Variants in PIGN observed in about 807,000 individuals in gnomAD.
PIGN encodes phosphatidylinositol glycan anchor biosynthesis class N.
A neutral mutation model predicts 125.4 loss-of-function variants in PIGN; 117 were observed. The ratio of observed to expected loss-of-function variants is 0.93; its 90% CI spans 0.80 to 1.09. The LOEUF (loss-of-function observed/expected upper bound fraction) is 1.09, where lower values mean the gene tolerates loss of function less well. Among genes scored for constraint, PIGN ranks in the 50% least tolerant of loss-of-function variants. The pLI, the probability that PIGN is intolerant of heterozygous loss-of-function variation, is 0.00. For synonymous variants in PIGN, 392 were observed against 377.8 expected (o/e 1.04, Z -0.44); for missense variants, 1,075 against 1,094.9 (o/e 0.98, Z 0.26).
intron 1 of PIGN, among the ~76,000 whole-genome samples, chr18:62,167,286 A>ATGTGTGTG (rs61310777): frequency 1.4e-5 from 2 of 139,398 alleles, no homozygotes; most frequent in East Asian, 2.1e-4. Context: ...AGAGATATAT[A>ATGTGTGTG]TGTGTGTGTG....
chr18:62,170,913 C>A (rs1417863042), intron 1 of PIGN, among the ~76,000 whole-genome samples: 1 of 152,152 alleles, frequency 6.6e-6, no homozygotes, highest in Non-Finnish European at 1.5e-5. Flanking sequence ...GATAGAAGAT[C>A]AAACCAGCCA....
At chr18:62,080,681 A>G (rs2033408093) in intron 28 of PIGN, among the ~76,000 whole-genome samples, 1 of 152,204 alleles carries the variant, frequency 6.6e-6, no homozygotes, top group Non-Finnish European at 1.5e-5. Context: ...ACACGAGGGT[A>G]AAAGCAACAA....
At chr18:62,157,272 A>C (rs1465607474) in intron 5 of PIGN, 45 bp from the exon 6 acceptor site, 11 of 936,018 alleles carry the variant, frequency 1.2e-5, no homozygotes, top group Non-Finnish European at 1.7e-5. Context: ...CACATGGTAC[A>C]ATAAGCCCCT....
intron 3 of PIGN, among the ~76,000 whole-genome samples, chr18:62,161,768 AGTC>A (rs1340119793): frequency 1.3e-5 from 2 of 152,230 alleles, no homozygotes; most frequent in African/African-American, 4.8e-5. Context: ...AGAAAATATA[AGTC>A]GTGCAACTCT....
rs28410364 is a variant in PIGN, at chr18:62,132,622, G to A, written c.1172+5621C>T. On this transcript the variant is annotated intron_variant, in intron 14 of 30. Transcript: ENST00000640252. ...TTTGGGAGGCCAAGGCAGGCAGACCGCTTGAGCCCAGGAGTTCAAGATAAG... is the reference window on the plus strand; with the variant it reads ...TTTGGGAGGCCAAGGCAGGCAGACCACTTGAGCCCAGGAGTTCAAGATAAG... 1.0e-2 allele frequency among the ~76,000 whole-genome samples: 1,515 copies of A among 152,032 alleles called. 20 individuals are homozygous for A. The highest frequency in any genetic ancestry group is 0.049 in the East Asian group (252 of 5,168).
chr18:62,172,929 T>C (rs1394071113), intron 1 of PIGN, among the ~76,000 whole-genome samples: 1 of 152,124 alleles, frequency 6.6e-6, no homozygotes, highest in African/African-American at 2.4e-5. Flanking sequence ...TACAGAAGTA[T>C]TATGGGAAAT....
chr18:62,034,267 G>A (rs78302628), intron 23 of PIGN, among the ~76,000 whole-genome samples: 2,074 of 152,252 alleles, frequency 0.014, 83 homozygotes, highest in East Asian at 0.11. Context: ...TAAGTGAGAC[G>A]TGGTCTCACT....
intron 24 of PIGN, among the ~76,000 whole-genome samples, chr18:62,089,769 T>C (rs541829612): frequency 2.0e-5 from 3 of 152,232 alleles, no homozygotes; most frequent in South Asian, 4.1e-4. Context: ...TAACGATGGA[T>C]CAACTATGAA....
intron 14 of PIGN, chr18:62,137,269 G>A: frequency 2.4e-6 from 1 of 412,794 alleles, no homozygotes; most frequent in African/African-American, 2.0e-5. Flanking sequence ...TTTGCTAGGG[G>A]CTCTCGGGCC....
chr18:62,161,749 C>T (rs963801079), intron 3 of PIGN, among the ~76,000 whole-genome samples: 1 of 152,068 alleles, frequency 6.6e-6, no homozygotes, highest in African/African-American at 2.4e-5. Context: ...CAAGTCAAAT[C>T]CTACAAAAAG....
At chr18:62,114,771 A>C (rs2035024753) in intron 14 of PIGN, 132 bp from the exon 15 acceptor site, 3 of 493,354 alleles carry the variant, frequency 6.1e-6, no homozygotes, top group Non-Finnish European at 1.1e-5. Context: ...CAAAGAAAAA[A>C]ACCTGAATTG....
chr18:62,059,908 C>T (rs2032012120), intron 30 of PIGN, among the ~76,000 whole-genome samples: 1 of 152,184 alleles, frequency 6.6e-6, no homozygotes, highest in African/African-American at 2.4e-5. Flanking sequence ...TTTGCCATCA[C>T]TTACAGGTTA....
chr18:62,184,372 T>C (rs2037822190), intron 1 of PIGN: 1 of 152,222 alleles, frequency 6.6e-6, no homozygotes. Context: ...ATGAAAATCT[T>C]ACTAAGTAGA....
chr18:62,123,274 T>C (rs925125860), intron 14 of PIGN, among the ~76,000 whole-genome samples: 23 of 152,032 alleles, frequency 1.5e-4, no homozygotes, highest in Admixed American at 1.4e-3. Flanking sequence ...AAGACTATAA[T>C]AGAAAAAAAT....
At chr18:62,059,838 T>C (rs1339853721) in intron 30 of PIGN, among the ~76,000 whole-genome samples, 2 of 152,244 alleles carry the variant, frequency 1.3e-5, no homozygotes, top group African/African-American at 4.8e-5. Context: ...TCAATAAAGC[T>C]GTTAAGAATA....
At chr18:62,109,627 G>C (rs1568184841) in intron 17 of PIGN, among the ~76,000 whole-genome samples, 1 of 152,026 alleles carries the variant, frequency 6.6e-6, no homozygotes. Flanking sequence ...TAAAGATGAA[G>C]TCAAAAGGGA....
rs968913377 is a variant in PIGN at position 62,041,492 on chromosome 18, G to A, written c.*4364C>T. ...TAAGGTTTTAGTGCAAAATTATATG[G>A]AGACATTTCTTTTTGAGGCAGAGTC... On this transcript the variant is annotated 3_prime_UTR_variant, in exon 31 of 31. Coordinates refer to ENST00000640252, the MANE Select transcript of PIGN (RefSeq NM_176787.5). The A allele has an allele frequency of 6.6e-6, 1 of 152,052 alleles. No individual in the cohort carries two copies. Among genetic ancestry groups the A allele is most frequent in the African/African-American group, 2.4e-5 (1 of 41,396 alleles). The allele number at this position is 152,052 out of a possible 1,614,324, so 9.4% of individuals were successfully genotyped here.
chr18:62,184,093 C>A (rs760958502), intron 1 of PIGN, among the ~76,000 whole-genome samples: 1 of 152,064 alleles, frequency 6.6e-6, no homozygotes, highest in Non-Finnish European at 1.5e-5. Context: ...TGTACCAATA[C>A]AAGTTATCTA....
chr18:62,124,554 G>A (rs1317396237), intron 14 of PIGN, among the ~76,000 whole-genome samples: 1 of 152,160 alleles, frequency 6.6e-6, no homozygotes, highest in Non-Finnish European at 1.5e-5. Context: ...ACCTGTGAAT[G>A]ATATGCGTAA....
Sources: gnomAD v4.1 joint callset for allele counts (sites outside exome capture counted in the v4.1 genomes callset) on GRCh38, gnomAD v4.1.1 for gene constraint, MANE v1.5 for transcripts, NCBI Gene and HGNC (gene_info 2026-07-23, HGNC 2026-07-21) for gene names.